CSTA: variants seen among roughly 807,000 people sequenced by gnomAD.
CSTA encodes cystatin-A.
In CSTA, 9 loss-of-function variants were observed where a neutral mutation model predicts 9.2. That is an observed-to-expected ratio of 0.97 (90% CI 0.59 to 1.70). The LOEUF is 1.70. Among genes scored for constraint, CSTA ranks in the 40% most tolerant of loss-of-function variants. The pLI is 0.00. For synonymous variants in CSTA, 36 were observed against 40.6 expected (o/e 0.89, Z 0.43); for missense variants, 118 against 113.1 (o/e 1.04, Z -0.20).
rs749073370 is a variant in CSTA, at chr3:122,341,423, C to T, written c.169-16C>T. 12 of 1,613,376 alleles carry T rather than the reference C, an allele frequency of 7.4e-6. No homozygotes were observed. Among genetic ancestry groups the T allele is most frequent in the Non-Finnish European group, 1.0e-5 (12 of 1,179,574 alleles). On this transcript the variant is annotated splice_polypyrimidine_tract_variant and intron_variant, in intron 2 of 2. Transcript: ENST00000264474. ...ATGAATCTCCTTTTGCTTTCTCTTT[C>T]TTTAATATTTTTCAGGTACGAGCAG...
chr3:122,329,515 A>C (rs950420367), intron 1 of CSTA, among the ~76,000 whole-genome samples: 4 of 152,056 alleles, frequency 2.6e-5, no homozygotes, highest in Non-Finnish European at 5.9e-5. Flanking sequence ...GCAGTGAGCC[A>C]TGATCACGCC....
intron 1 of CSTA, among the ~76,000 whole-genome samples, chr3:122,336,295 CTTTT>C (rs2107667905): frequency 6.6e-6 from 1 of 152,202 alleles, no homozygotes; most frequent in African/African-American, 2.4e-5. Flanking sequence ...TCTGACTCTA[CTTTT>C]GTAGAGTCAG....
At chr3:122,337,444 A>G in intron 1 of CSTA, 103 bp from the exon 2 acceptor site, 1 of 741,476 alleles carries the variant, frequency 1.3e-6, no homozygotes, top group Non-Finnish European at 2.4e-6. Flanking sequence ...TTTCATTACC[A>G]TCTTTGAAGA....
intron 2 of CSTA, among the ~76,000 whole-genome samples, chr3:122,340,364 G>A (rs985818229): frequency 6.6e-6 from 1 of 152,012 alleles, no homozygotes; most frequent in Admixed American, 6.6e-5. Flanking sequence ...GAGTGCAGTG[G>A]CACAATCTCG....
chr3:122,330,267 A>T (rs1173480218), intron 1 of CSTA, among the ~76,000 whole-genome samples: 6 of 152,176 alleles, frequency 3.9e-5, no homozygotes, highest in Non-Finnish European at 5.9e-5. Flanking sequence ...TCACCTGTTA[A>T]AGTGGAAGTA....
chr3:122,341,946 A>G lies in CSTA; in HGVS notation c.*379A>G. 1 of 258,634 alleles carries G rather than the reference A, an allele frequency of 3.9e-6. No individual in the cohort carries two copies. Among genetic ancestry groups the G allele is most frequent in the Admixed American group, 5.0e-5 (1 of 19,884 alleles). The allele number at this position is 258,634 out of a possible 1,614,324, so 16.0% of individuals were successfully genotyped here. On this transcript the variant is annotated 3_prime_UTR_variant, in exon 3 of 3. Transcript: ENST00000264474. ...ATTCCATCTCTACCCTCATACTTCA[A>G]AATTAAATCAAGTATTTTACAAAGT...
chr3:122,332,569 T>C (rs940462977), intron 1 of CSTA, among the ~76,000 whole-genome samples: 1 of 152,148 alleles, frequency 6.6e-6, no homozygotes, highest in African/African-American at 2.4e-5. Flanking sequence ...GGGTGCCTCA[T>C]GGCTCAAATC....
chr3:122,325,259 A>G lies in CSTA; in HGVS notation c.-34A>G, dbSNP rs781484512. 3.7e-6 allele frequency: 6 copies of G among 1,610,390 alleles called. No homozygotes were observed. In the African/African-American group the frequency reaches 6.7e-5, roughly 18 times the overall value. ...ACACTTCCCTGTTCACTTTGGTTCCAGCATCCTGTCCAGCAAAGAAGCAAT... is the reference window on the plus strand; with the variant it reads ...ACACTTCCCTGTTCACTTTGGTTCCGGCATCCTGTCCAGCAAAGAAGCAAT... On this transcript the variant is annotated 5_prime_UTR_variant, in exon 1 of 3. Transcript: ENST00000264474.
intron 2 of CSTA, among the ~76,000 whole-genome samples, chr3:122,338,711 T>C (rs1190781338): frequency 6.6e-6 from 1 of 152,196 alleles, no homozygotes; most frequent in African/African-American, 2.4e-5. Context: ...ATCTGCTTTC[T>C]TCATGGCTGG....
At chr3:122,331,205 TTTTGTCAG>T (rs1157882184) in intron 1 of CSTA, among the ~76,000 whole-genome samples, 3 of 151,824 alleles carry the variant, frequency 2.0e-5, no homozygotes, top group African/African-American at 7.3e-5. Flanking sequence ...AGAACATGAT[TTTTGTCAG>T]TCAGGACACC....
Position 122,341,330 on chromosome 3 carries a change from C to G in CSTA, c.169-109C>G. On this transcript the variant is annotated intron_variant, in intron 2 of 2. Coordinates refer to ENST00000264474, the MANE Select transcript of CSTA (RefSeq NM_005213.4). Reference sequence around the variant, plus strand: ...TGGACTAGGTCTAGCAATGCTGTTCCTCAGCAGCTTTTTGGACAGAAGTCT... The same window carrying G: ...TGGACTAGGTCTAGCAATGCTGTTCGTCAGCAGCTTTTTGGACAGAAGTCT... 2.6e-6 allele frequency: 3 copies of G among 1,153,576 alleles called. 1 individual carries two copies. The highest frequency in any genetic ancestry group is 3.9e-6 in the Non-Finnish European group (3 of 772,808). 71.5% of individuals were successfully genotyped at this position (1,153,576 alleles called of 1,614,324 possible). A position where few individuals can be genotyped will look rare whatever the true frequency, so the allele number is the denominator to read the frequency against.
At chr3:122,328,404 G>T (rs2075182410) in intron 1 of CSTA, among the ~76,000 whole-genome samples, 1 of 150,076 alleles carries the variant, frequency 6.7e-6, no homozygotes, top group Non-Finnish European at 1.5e-5. Context: ...AGAGGCTGAG[G>T]CAGGAGAATC....
intron 1 of CSTA, among the ~76,000 whole-genome samples, chr3:122,327,528 C>CAA (rs59568582): frequency 0.17 from 7,317 of 43,378 alleles, 1,058 homozygotes; most frequent in Non-Finnish European, 0.22. Context: ...GACTCCGTCT[C>CAA]AAAAAAAAAA....
chr3:122,326,350 G>A (rs961201034), intron 1 of CSTA, among the ~76,000 whole-genome samples: 1 of 152,006 alleles, frequency 6.6e-6, no homozygotes, highest in Non-Finnish European at 1.5e-5. Flanking sequence ...TTTTCTTTGT[G>A]TGATTAGCTA....
intron 2 of CSTA, chr3:122,338,200 T>C (rs2075246486): frequency 6.6e-6 from 1 of 152,632 alleles, no homozygotes; most frequent in African/African-American, 2.4e-5. Context: ...GAGTGGAGTA[T>C]TTAAAATAGT....
intron 1 of CSTA, among the ~76,000 whole-genome samples, chr3:122,326,469 C>T (rs2075171169): frequency 6.6e-6 from 1 of 151,962 alleles, no homozygotes; most frequent in South Asian, 2.1e-4. Flanking sequence ...TATATTATTC[C>T]TTCTTATTTT....
At chr3:122,325,409 AGTTGTCCCTGTGGAAAGGCT>A (rs1305838229) in intron 1 of CSTA, 51 bp downstream of exon 1, 21 of 1,557,406 alleles carry the variant, frequency 1.3e-5, no homozygotes, top group Non-Finnish European at 1.8e-5. Flanking sequence ...TTGATTCATA[AGTTGTCCCTGTGGAAAGGCT>A]GTGGTTGAAC....
At chr3:122,339,574 C>T (rs1431249992) in intron 2 of CSTA, among the ~76,000 whole-genome samples, 1 of 152,158 alleles carries the variant, frequency 6.6e-6, no homozygotes, top group African/African-American at 2.4e-5. Context: ...TTACACTGGC[C>T]TGGTGTGGTG....
Position 122,332,426 on chromosome 3 carries a change from A to G in CSTA, c.67-5121A>G, listed in dbSNP as rs563046614. On this transcript the variant is annotated intron_variant, in intron 1 of 2. Coordinates refer to ENST00000264474, the MANE Select transcript of CSTA (RefSeq NM_005213.4). ...GTTACTATTCAAACTCTCCTTCCTT[A>G]CTCTCTAAATCTCCCCCAAATGTAA... Among the ~76,000 whole-genome samples the G allele has an allele frequency of 4.0e-5, 6 of 151,676 alleles. No homozygotes were observed. In the East Asian group the frequency reaches 1.2e-3, roughly 29 times the overall value.
Sources: gnomAD v4.1 joint callset for allele counts (sites outside exome capture counted in the v4.1 genomes callset) on GRCh38, gnomAD v4.1.1 for gene constraint, MANE v1.5 for transcripts, NCBI Gene and HGNC (gene_info 2026-07-23, HGNC 2026-07-21) for gene names.